MGST1: variants seen among roughly 807,000 people sequenced by gnomAD.
The protein encoded by MGST1 is microsomal glutathione S-transferase 1.
A neutral mutation model predicts 8.9 loss-of-function variants in MGST1; 5 were observed. The observed-to-expected ratio is 0.56, with a 90% CI of 0.29 to 1.19. The LOEUF is 1.19. MGST1 is among the 50% of genes most tolerant of loss of function. The pLI is 0.08. For missense variants in MGST1, 182 were observed against 187.4 expected, an observed-to-expected ratio of 0.97 and a Z score of 0.17; for synonymous variants, 54 against 67.8, an observed-to-expected ratio of 0.80 and a Z score of 1.00.
rs779999476 is a variant in MGST1 at position 16,357,647 on chromosome 12, GAA to G, written c.172_173del (p.Asn58CysfsTer9). 1.7e-4 allele frequency: 276 copies of G among 1,614,002 alleles called. 3 individuals carry two copies. The East Asian group carries it at 6.1e-3, about 36-fold the overall frequency. On this transcript the variant is annotated frameshift_variant, in exon 3 of 4. Transcript: ENST00000396210. LOFTEE classifies it high-confidence loss of function. Reference sequence around the variant, plus strand: ...AGACTGTGTAGCATTTGGCAAAGGAGAAAATGCCAAGAAGTATCTTCGAACAG... The same window carrying G: ...AGACTGTGTAGCATTTGGCAAAGGAGAATGCCAAGAAGTATCTTCGAACAG... ...PEDCVAFGKG[E>X]NAKKYLRTDD... is the part of the protein sequence containing the mutation.
At chr12:16,447,753 T>C (rs1941091829) in intron 4 of MGST1, among the ~76,000 whole-genome samples, 1 of 151,980 alleles carries the variant, frequency 6.6e-6, no homozygotes, top group African/African-American at 2.4e-5. Flanking sequence ...TGGAAGATTA[T>C]GGTGCTCACC....
In MGST1 at chr12:16,497,152, C is replaced by A. The variant is rs1186587831; in HGVS notation, n.483-92376C>A. Among the ~76,000 whole-genome samples, 4 of 152,110 alleles carry A rather than the reference C, an allele frequency of 2.6e-5. No homozygotes were observed. The highest frequency in any genetic ancestry group is 9.7e-5 in the African/African-American group (4 of 41,442). ...CCACTGAATCTGCATCCTTTGCTGT[C>A]GGAATCAAATGTTTGGCATTTTAGG... On this transcript the variant is annotated intron_variant and non_coding_transcript_variant, in intron 4 of 4. Coordinates refer to the MGST1 transcript ENST00000538857. The surrounding 1 kb of genome is among the most constrained non-coding windows in gnomAD (Gnocchi z 4.4).
intron 4 of MGST1, among the ~76,000 whole-genome samples, chr12:16,504,494 A>T (rs1326833971): frequency 2.0e-5 from 3 of 151,786 alleles, no homozygotes; most frequent in Admixed American, 2.0e-4. Flanking sequence ...AATTTGCTCT[A>T]TGTTCTCATT....
intron 4 of MGST1, among the ~76,000 whole-genome samples, chr12:16,464,541 C>T (rs768533355): frequency 1.2e-4 from 19 of 152,238 alleles, no homozygotes; most frequent in Non-Finnish European, 2.6e-4. Flanking sequence ...GTTCAACCAA[C>T]AAGCTATTAA....
chr12:16,399,664 A>G, intron 1 of MGST1: 1 of 1,559,176 alleles, frequency 6.4e-7, no homozygotes, highest in Admixed American at 1.7e-5. Flanking sequence ...TCCAGAAAAG[A>G]CCAGACACCT....
intron 4 of MGST1, among the ~76,000 whole-genome samples, chr12:16,462,217 T>A (rs1941226060): frequency 1.3e-5 from 2 of 152,328 alleles, no homozygotes; most frequent in South Asian, 2.1e-4. Context: ...TCTAGTTGTT[T>A]GGAGCTTTTG....
At chr12:16,432,605 C>T (rs1235602276) in intron 1 of MGST1, among the ~76,000 whole-genome samples, 1 of 151,118 alleles carries the variant, frequency 6.6e-6, no homozygotes, top group Non-Finnish European at 1.5e-5. Flanking sequence ...TTCAACATTC[C>T]TTTCTTCCCC....
At chr12:16,467,709 A>G (rs756334713) in intron 4 of MGST1, among the ~76,000 whole-genome samples, 6 of 152,234 alleles carry the variant, frequency 3.9e-5, no homozygotes, top group African/African-American at 1.2e-4. Context: ...TATTTTCAAC[A>G]AGCACTTTTC....
At chr12:16,387,201 A>G (rs543002484) in intron 1 of MGST1, among the ~76,000 whole-genome samples, 3 of 152,344 alleles carry the variant, frequency 2.0e-5, no homozygotes, top group Admixed American at 1.3e-4. Context: ...TAAATGGGAA[A>G]AAAAACAGCA....
chr12:16,390,654 A>G (rs1288739065), intron 1 of MGST1, among the ~76,000 whole-genome samples: 1 of 152,208 alleles, frequency 6.6e-6, no homozygotes, highest in Admixed American at 6.5e-5. Flanking sequence ...TTATGGCTAC[A>G]TAATGTACAT....
At chr12:16,512,511 A>G (rs528138016) in intron 4 of MGST1, among the ~76,000 whole-genome samples, 56 of 152,260 alleles carry the variant, frequency 3.7e-4, no homozygotes, top group Admixed American at 1.3e-3. Flanking sequence ...AAAACAATGT[A>G]AAAACAACTT....
At position 16,513,010 on chromosome 12, in the gene MGST1, T is replaced by C. The variant is rs1046041697; in HGVS notation, n.483-76518T>C. Among the ~76,000 whole-genome samples, 1 of 152,208 alleles carries C rather than the reference T, an allele frequency of 6.6e-6. No homozygotes were observed. Among genetic ancestry groups the C allele is most frequent in the African/African-American group, 2.4e-5 (1 of 41,458 alleles). On this transcript the variant is annotated intron_variant and non_coding_transcript_variant, in intron 4 of 4. Transcript: ENST00000538857. The surrounding 1 kb of genome is among the most constrained non-coding windows in gnomAD (Gnocchi z 4.2). ...CCGTCTCTAGGGACCTCAGAGTAAG[T>C]GTTTGTAACTAATCTACTTTTCCTC...
chr12:16,578,157 A>C (rs2137509928), intron 4 of MGST1, among the ~76,000 whole-genome samples: 2 of 152,348 alleles, frequency 1.3e-5, no homozygotes, highest in South Asian at 4.1e-4. Flanking sequence ...CTTTAAACTC[A>C]TAGTTTCATG....
chr12:16,362,120 G>A lies in MGST1; in HGVS notation c.222-1675G>A, dbSNP rs989837112. On this transcript the variant is annotated intron_variant, in intron 3 of 3. Coordinates refer to ENST00000396210, the MANE Select transcript of MGST1 (RefSeq NM_020300.5). The surrounding 1 kb of genome is among the most constrained non-coding windows in gnomAD (Gnocchi z 4.4). ...TAACGTGCCTAAGATTGGAGGTGAC[G>A]ATATCTCTGTGATGCTGGGGGAGAA... Among the ~76,000 whole-genome samples, 4 of 152,140 alleles carry A rather than the reference G, an allele frequency of 2.6e-5. No individual in the cohort carries two copies. The highest frequency in any genetic ancestry group is 9.7e-5 in the African/African-American group (4 of 41,426).
chr12:16,573,311 A>G (rs762177597), intron 4 of MGST1, among the ~76,000 whole-genome samples: 4 of 152,166 alleles, frequency 2.6e-5, no homozygotes, highest in Non-Finnish European at 4.4e-5. Context: ...TGAAACAAAA[A>G]TTTTGAACTC....
At position 16,584,700 on chromosome 12, in the gene MGST1, T is replaced by C. The variant is rs1943263911; in HGVS notation, n.483-4828T>C. The stretch of plus-strand genomic sequence containing the variant: ...TCCAAACATATTGCAATGGCTGCCA[T>C]GAAGTTCAAGAAACAGCAAGAGATT... On this transcript the variant is annotated intron_variant and non_coding_transcript_variant, in intron 4 of 4. Transcript: ENST00000538857. The surrounding 1 kb of genome is among the most constrained non-coding windows in gnomAD (Gnocchi z 5.2). Among the ~76,000 whole-genome samples the C allele has an allele frequency of 6.6e-6, 1 of 152,108 alleles. No individual in the cohort carries two copies. Among genetic ancestry groups the C allele is most frequent in the Admixed American group, 6.6e-5 (1 of 15,262 alleles).
chr12:16,567,894 C>T (rs576332468), intron 4 of MGST1, among the ~76,000 whole-genome samples: 28 of 152,248 alleles, frequency 1.8e-4, no homozygotes, highest in Non-Finnish European at 2.6e-4. Context: ...TCCTAAGATC[C>T]GCCAACCACT....
chr12:16,459,475 A>G (rs1230368242), intron 4 of MGST1, among the ~76,000 whole-genome samples: 1 of 152,160 alleles, frequency 6.6e-6, no homozygotes, highest in East Asian at 1.9e-4. Context: ...TGAGTTACAG[A>G]TGATAATCTC....
chr12:16,402,538 C>A (rs1269908393), intron 1 of MGST1: 8 of 834,010 alleles, frequency 9.6e-6, no homozygotes, highest in African/African-American at 1.7e-5. Flanking sequence ...TAATAAGCTA[C>A]TAACACTTCT....
Sources: gnomAD v4.1 joint callset for allele counts (sites outside exome capture counted in the v4.1 genomes callset) on GRCh38, gnomAD v4.1.1 for gene constraint, Gnocchi (gnomAD v3.1) non-coding constraint, MANE v1.5 for transcripts, NCBI Gene and HGNC (gene_info 2026-07-23, HGNC 2026-07-21) for gene names.